The following KIF1A variants were observed in gnomAD, a reference collection of about 807,000 sequenced individuals.
KIF1A encodes the protein kinesin-like protein KIF1A.
In KIF1A, 46 loss-of-function variants were observed where a neutral mutation model predicts 227.3. The observed-to-expected ratio is 0.20, with a 90% CI of 0.16 to 0.26. KIF1A has a LOEUF of 0.26. Ranked by LOEUF, KIF1A falls within the 10% of genes least tolerant of loss-of-function variation. The pLI is 1.00. For synonymous variants in KIF1A, 1,022 were observed against 1,012.8 expected (o/e 1.01, Z -0.17); for missense variants, 1,683 against 2,485.9 (o/e 0.68, Z 6.87).
Position 240,740,508 on chromosome 2 carries a change from C to T in KIF1A, c.3750-144G>A. 2 of 686,624 alleles carry T rather than the reference C, an allele frequency of 2.9e-6. No homozygotes were observed. Among genetic ancestry groups the T allele is most frequent in the Non-Finnish European group, 5.1e-6 (2 of 388,990 alleles). The allele number at this position is 686,624 out of a possible 1,614,324, so 42.5% of individuals were successfully genotyped here. A position where few individuals can be genotyped will look rare whatever the true frequency, so the allele number is the denominator to read the frequency against. ...GATCAGGTGGTCTGATCCATGGAGACCACGGTCAGCTGAGCACAGAAACCC... is the reference window on the plus strand; with the variant it reads ...GATCAGGTGGTCTGATCCATGGAGATCACGGTCAGCTGAGCACAGAAACCC... On this transcript the variant is annotated intron_variant, in intron 35 of 48. Transcript: ENST00000498729. This position sits in a 1 kb window ranked among gnomAD's most constrained non-coding sequence, Gnocchi z 6.1.
At chr2:240,756,371 C>G (rs540385594) in intron 27 of KIF1A, among the ~76,000 whole-genome samples, 95 of 152,352 alleles carry the variant, frequency 6.2e-4, no homozygotes, top group African/African-American at 2.2e-3. Flanking sequence ...AGCCAGGTTT[C>G]TAGATCTTTC....
rs1030532975 is a variant in KIF1A, at chr2:240,715,152, T to C, written c.*2212A>G. The C allele has an allele frequency of 6.6e-6, 1 of 152,488 alleles. No homozygotes were observed. Among genetic ancestry groups the C allele is most frequent in the Non-Finnish European group, 1.5e-5 (1 of 68,112 alleles). 9.4% of individuals were successfully genotyped at this position (152,488 alleles called of 1,614,324 possible). Reference sequence around the variant, plus strand: ...AGACCAGCGTGTCCTGCCCTGCCTCTCCTTCCTGCCTCCAGGCAGCGCTGG... The same window carrying C: ...AGACCAGCGTGTCCTGCCCTGCCTCCCCTTCCTGCCTCCAGGCAGCGCTGG... On this transcript the variant is annotated 3_prime_UTR_variant, in exon 49 of 49. Coordinates refer to ENST00000498729, the MANE Select transcript of KIF1A (RefSeq NM_001244008.2).
At position 240,725,385 on chromosome 2, in the gene KIF1A, G is replaced by A. The variant is rs766841187; in HGVS notation, c.4142C>T (p.Pro1381Leu). ...AYIEMENCTQ[P>L]AVVTKDFCMV... ...GCAGAAGTCCTTGGTGACAACAGCC[G>A]GCTGGGTGCAGTTCTCCATCTGAGA... Residue 1381 changes from proline (P) to leucine (L), a missense_variant, in exon 40 of 49, where the codon CCG becomes CTG. This residue lies in a region of KIF1A where 759 missense variants were observed against 1,020.2 expected (regional missense o/e 0.74). Coordinates refer to ENST00000498729, the MANE Select transcript of KIF1A (RefSeq NM_001244008.2). The surrounding 1 kb of genome is among the most constrained non-coding windows in gnomAD (Gnocchi z 5.8). 1.1e-5 allele frequency: 17 copies of A among 1,612,254 alleles called. No individual in the cohort carries two copies. Among genetic ancestry groups the A allele is most frequent in the Middle Eastern group, 3.3e-4 (2 of 6,082 alleles).
In KIF1A at chr2:240,737,883, C is replaced by T. The variant is rs535483448; in HGVS notation, c.3902-715G>A. 2.8e-4 allele frequency among the ~76,000 whole-genome samples: 42 copies of T among 152,348 alleles called. 1 individual carries two copies. The highest frequency in any genetic ancestry group is 8.7e-4 in the African/African-American group (36 of 41,582). On this transcript the variant is annotated intron_variant, in intron 37 of 48. Coordinates refer to ENST00000498729, the MANE Select transcript of KIF1A (RefSeq NM_001244008.2). The stretch of plus-strand genomic sequence containing the variant: ...GGAAGGAACGGCAGCCTTCCCTCTC[C>T]GCCATGCATGGACAAGATAAAACCC...
rs567604039 is a variant in KIF1A at position 240,719,921 on chromosome 2, G to A, written c.4874C>T (p.Pro1625Leu). 3.1e-5 allele frequency: 50 copies of A among 1,608,090 alleles called. No individual in the cohort carries two copies. The highest frequency in any genetic ancestry group is 6.7e-5 in the East Asian group (3 of 44,812). ...GRYGATDLRT[P>L]QPCSRPASPE... ...GCTGGCTGGCCGGGAGCAGGGCTGC[G>A]GGGTCCTGGGAAGCAGAGGGAAGTG... Residue 1625 changes from proline to leucine, a missense_variant, in exon 46 of 49, where the codon CCG becomes CTG. Pro to Leu is a moderately conservative substitution (Grantham distance 98). This residue lies in a region of KIF1A where 384 missense variants were observed against 410.1 expected (regional missense o/e 0.94). Transcript: ENST00000498729.
chr2:240,753,064 G>A (rs1335392570), intron 27 of KIF1A, among the ~76,000 whole-genome samples: 1 of 152,152 alleles, frequency 6.6e-6, no homozygotes. Context: ...CTGGGCTCTG[G>A]GGCCATCCAC....
At position 240,775,991 on chromosome 2, in the gene KIF1A, C is replaced by T. The variant is rs746008834; in HGVS notation, c.883-65G>A. ...TGCAGAGGAAGCGAAAGGGAGGGGC[C>T]AGCGCAGGCCCTGCCAAGTGGGTCC... On this transcript the variant is annotated intron_variant, in intron 10 of 48. Transcript: ENST00000498729. This position sits in a 1 kb window ranked among gnomAD's most constrained non-coding sequence, Gnocchi z 5.5. The T allele has an allele frequency of 1.2e-5, 13 of 1,118,294 alleles. No individual in the cohort carries two copies. The highest frequency in any genetic ancestry group is 1.8e-5 in the Admixed American group (1 of 55,912). 69.3% of individuals were successfully genotyped at this position (1,118,294 alleles called of 1,614,324 possible).
chr2:240,779,459 C>T (rs1376807556), intron 10 of KIF1A, among the ~76,000 whole-genome samples: 1 of 144,342 alleles, frequency 6.9e-6, no homozygotes, highest in Non-Finnish European at 1.5e-5. Context: ...CTCATAGTTC[C>T]ACACTCAGTT....
intron 1 of KIF1A, among the ~76,000 whole-genome samples, chr2:240,810,515 C>A (rs1023776606): frequency 6.6e-6 from 1 of 152,168 alleles, no homozygotes; most frequent in East Asian, 1.9e-4. Flanking sequence ...ATGGTAACAT[C>A]TGGAGGGGCT....
At chr2:240,738,268 G>A (rs184311304) in intron 37 of KIF1A, among the ~76,000 whole-genome samples, 399 of 152,360 alleles carry the variant, frequency 2.6e-3, no homozygotes, top group Non-Finnish European at 4.4e-3. Context: ...TCTGGACAGA[G>A]TGCCAGGGGT....
rs754488041 is a variant in KIF1A at position 240,773,283 on chromosome 2, G to C, written c.1038-27C>G. On this transcript the variant is annotated intron_variant, in intron 12 of 48. Transcript: ENST00000498729. ...TGGGTGGCAGAGGGGGCTGTGGGCT[G>C]TGCTCGGGACAGGTCCACATCTGGC... is the stretch of plus-strand genomic sequence containing the variant. The C allele has an allele frequency of 8.7e-6, 14 of 1,613,460 alleles. No homozygotes were observed. In the South Asian group the frequency reaches 1.5e-4, roughly 18 times the overall value.
intron 40 of KIF1A, chr2:240,724,885 G>A (rs2045804899): frequency 5.0e-6 from 1 of 198,444 alleles, no homozygotes; most frequent in African/African-American, 2.6e-5. Flanking sequence ...TGGGCAGTCA[G>A]TCCCATGGCA....
intron 38 of KIF1A, among the ~76,000 whole-genome samples, chr2:240,732,138 G>GAGGAGGAAGAGGGGAGGAGGGC (rs2046750606): frequency 1.3e-5 from 1 of 78,010 alleles, no homozygotes; most frequent in Non-Finnish European, 2.6e-5. Flanking sequence ...GGGAGGAGGG[G>GAGGAGGAAGAGGGGAGGAGGGC]ATGAGGGATT....
chr2:240,806,626 T>G (rs966574533), intron 1 of KIF1A, among the ~76,000 whole-genome samples: 2 of 152,104 alleles, frequency 1.3e-5, no homozygotes, highest in Non-Finnish European at 2.9e-5. Context: ...AAGCCCAACA[T>G]GCACTAAAGC....
chr2:240,772,318 T>C (rs763257943), intron 14 of KIF1A, among the ~76,000 whole-genome samples: 18 of 152,170 alleles, frequency 1.2e-4, no homozygotes, highest in Non-Finnish European at 2.2e-4. Context: ...GACTCCCCCG[T>C]TGCTTTGGTT....
At chr2:240,786,703 CA>C (rs1559529627) in intron 5 of KIF1A, among the ~76,000 whole-genome samples, 190 bp from the exon 6 acceptor site, 26 of 134,460 alleles carry the variant, frequency 1.9e-4, no homozygotes, top group Non-Finnish European at 2.9e-4. Context: ...TGGGAGCCAG[CA>C]TCAGGACCCC....
In KIF1A at chr2:240,792,375, GC is replaced by G. The variant is rs1395211384; in HGVS notation, c.107-3064del. On this transcript the variant is annotated intron_variant, in intron 2 of 48. Coordinates refer to ENST00000498729, the MANE Select transcript of KIF1A (RefSeq NM_001244008.2). This position sits in a 1 kb window ranked among gnomAD's most constrained non-coding sequence, Gnocchi z 4.5. ...GGGCTCCTCAGCCAGCCCCTTTAGG[GC>G]CCCCATCCCCTCCCACCCCAGGCTC... is the stretch of plus-strand genomic sequence containing the variant. 6.6e-6 allele frequency among the ~76,000 whole-genome samples: 1 copy of G among 151,716 alleles called. No homozygotes were observed. Among genetic ancestry groups the G allele is most frequent in the Non-Finnish European group, 1.5e-5 (1 of 67,866 alleles).
chr2:240,780,848 C>CCACA (rs1372214850), intron 10 of KIF1A, among the ~76,000 whole-genome samples: 1 of 20,250 alleles, frequency 4.9e-5, no homozygotes, highest in African/African-American at 5.2e-4. Context: ...ACACACAGCT[C>CCACA]CACACACACA....
rs565252990 is a variant in KIF1A, at chr2:240,753,416, C to T, written c.2859-2869G>A. Reference sequence around the variant, plus strand: ...CTGTGTGGAACTGACTCTGAGGAGACGCCTTCTGCCATGTTGCCAACTGTG... The same window carrying T: ...CTGTGTGGAACTGACTCTGAGGAGATGCCTTCTGCCATGTTGCCAACTGTG... On this transcript the variant is annotated intron_variant, in intron 27 of 48. Coordinates refer to ENST00000498729, the MANE Select transcript of KIF1A (RefSeq NM_001244008.2). Among the ~76,000 whole-genome samples, 741 of 152,332 alleles carry T rather than the reference C, an allele frequency of 4.9e-3. 2 individuals carry two copies. The highest frequency in any genetic ancestry group is 0.017 in the African/African-American group (696 of 41,568).
Sources: gnomAD v4.1 joint callset for allele counts (sites outside exome capture counted in the v4.1 genomes callset) on GRCh38, gnomAD v4.1.1 for gene constraint, gnomAD v4.1.1 regional missense constraint, Gnocchi (gnomAD v3.1) non-coding constraint, MANE v1.5 for transcripts, NCBI Gene and HGNC (gene_info 2026-07-23, HGNC 2026-07-21) for gene names.